HSPH1: variants seen among roughly 807,000 people sequenced by gnomAD.
The protein encoded by HSPH1 is heat shock protein family H (Hsp110) member 1, also known as heat shock protein 105 kDa.
A neutral mutation model predicts 100.0 loss-of-function variants in HSPH1; 40 were observed. The observed-to-expected ratio is 0.40, with a 90% CI of 0.31 to 0.52. The LOEUF is 0.52. Ranked by LOEUF, HSPH1 falls within the 20% of genes least tolerant of loss-of-function variation. HSPH1 has a pLI of 0.54. For synonymous variants in HSPH1, 403 were observed against 344.0 expected, an observed-to-expected ratio of 1.17 and a Z score of -1.90; for missense variants, 876 against 1,015.1, an observed-to-expected ratio of 0.86 and a Z score of 1.86.
In HSPH1 at chr13:31,150,087, A is replaced by AC; in HGVS notation, c.1003dup (p.Val335GlyfsTer5). The AC allele has an allele frequency of 6.2e-7, 1 of 1,613,742 alleles. No homozygotes were observed. The highest frequency in any genetic ancestry group is 8.5e-7 in the Non-Finnish European group (1 of 1,179,728). ...GCCTCCAACAATCTCAACTGCACTC[A>AC]CATCTTCTACTTTGAGATGAGTTTG... is the stretch of plus-strand genomic sequence containing the variant. On this transcript the variant is annotated frameshift_variant, in exon 8 of 18. Coordinates refer to ENST00000320027, the MANE Select transcript of HSPH1 (RefSeq NM_006644.4). LOFTEE classifies it high-confidence loss of function.
At chr13:31,155,230 A>G (rs1956640366) in intron 3 of HSPH1, among the ~76,000 whole-genome samples, 1 of 152,236 alleles carries the variant, frequency 6.6e-6, no homozygotes, top group African/African-American at 2.4e-5. Flanking sequence ...TGTTTGATAC[A>G]TGAACACAAT....
chr13:31,161,041 G>A (rs981136758), intron 1 of HSPH1, among the ~76,000 whole-genome samples: 6 of 152,234 alleles, frequency 3.9e-5, no homozygotes, highest in African/African-American at 1.2e-4. Flanking sequence ...ATGCGCGAAG[G>A]GAGGAGGACA....
chr13:31,142,903 C>G (rs1368898540), intron 12 of HSPH1, among the ~76,000 whole-genome samples: 1 of 151,994 alleles, frequency 6.6e-6, no homozygotes, highest in African/African-American at 2.4e-5. Context: ...CAGTAGAAAA[C>G]AGAGAGCAGC....
intron 4 of HSPH1, chr13:31,154,390 C>T (rs1312215477): frequency 3.7e-6 from 2 of 544,460 alleles, no homozygotes; most frequent in African/African-American, 3.8e-5. Flanking sequence ...TGGAACCAGT[C>T]AAAATCTGTA....
intron 10 of HSPH1, among the ~76,000 whole-genome samples, chr13:31,147,426 T>C (rs983634032): frequency 4.8e-5 from 7 of 144,732 alleles, no homozygotes; most frequent in African/African-American, 7.3e-5. Flanking sequence ...TCACCTATGG[T>C]CTGGGAAAGA....
Position 31,135,442 on chromosome 13 carries a change from T to C in HSPH1, c.*1876A>G, listed in dbSNP as rs1049656227. 6.6e-6 allele frequency: 1 copy of C among 152,204 alleles called. No individual in the cohort carries two copies. The highest frequency in any genetic ancestry group is 2.4e-5 in the African/African-American group (1 of 41,466). The allele number at this position is 152,204 out of a possible 1,614,324, so 9.4% of individuals were successfully genotyped here. A position where few individuals can be genotyped will look rare whatever the true frequency, so the allele number is the denominator to read the frequency against. ...AAACCAAAGAAACATATTAACTGCA[T>C]AAAAATTTAAAGTTGCTAAATGGTA... On this transcript the variant is annotated 3_prime_UTR_variant, in exon 18 of 18. Transcript: ENST00000320027.
At chr13:31,149,828 C>A in intron 8 of HSPH1, 126 bp downstream of exon 8, 2 of 709,168 alleles carry the variant, frequency 2.8e-6, no homozygotes, top group Non-Finnish European at 4.9e-6. Flanking sequence ...TACAGCTTTA[C>A]GGGTTTGTTT....
intron 10 of HSPH1, among the ~76,000 whole-genome samples, chr13:31,146,625 T>C (rs1956273251): frequency 6.6e-6 from 1 of 152,222 alleles, no homozygotes; most frequent in African/African-American, 2.4e-5. Flanking sequence ...GAAATTATTA[T>C]GTACAATACA....
chr13:31,142,590 C>A (rs1277971255), intron 12 of HSPH1, among the ~76,000 whole-genome samples: 1 of 152,100 alleles, frequency 6.6e-6, no homozygotes, highest in African/African-American at 2.4e-5. Flanking sequence ...GAAGACAAGA[C>A]AACCTGATAG....
chr13:31,141,059 T>C, intron 13 of HSPH1, 63 bp downstream of exon 13: 1 of 1,024,842 alleles, frequency 9.8e-7, no homozygotes, highest in Middle Eastern at 2.3e-4. Flanking sequence ...ACTAGAAATA[T>C]AGATATCAGG....
chr13:31,138,721 A>G, intron 16 of HSPH1, 60 bp downstream of exon 16: 1 of 1,561,902 alleles, frequency 6.4e-7, no homozygotes, highest in Non-Finnish European at 8.6e-7. Flanking sequence ...TCCCAGCTTA[A>G]GTGTTAGCTT....
Position 31,161,904 on chromosome 13 carries a change from C to G in HSPH1, c.-322G>C. 6.6e-7 allele frequency: 1 copy of G among 1,507,040 alleles called. No homozygotes were observed. Among genetic ancestry groups the G allele is most frequent in the South Asian group, 1.2e-5 (1 of 81,262 alleles). 93.4% of individuals were successfully genotyped at this position (1,507,040 alleles called of 1,614,324 possible). A position where few individuals can be genotyped will look rare whatever the true frequency, so the allele number is the denominator to read the frequency against. ...CGGCGCCGGCGCTGAACTACCGACCCAAAAGGGGAGGTCCCACTTCCTCAG... is the reference window on the plus strand; with the variant it reads ...CGGCGCCGGCGCTGAACTACCGACCGAAAAGGGGAGGTCCCACTTCCTCAG... On this transcript the variant is annotated 5_prime_UTR_variant, in exon 1 of 18. Transcript: ENST00000320027.
At chr13:31,144,592 T>C (rs1400287581) in intron 11 of HSPH1, among the ~76,000 whole-genome samples, 1 of 152,144 alleles carries the variant, frequency 6.6e-6, no homozygotes, top group East Asian at 1.9e-4. Context: ...CAATCCCTAA[T>C]ATATTAGTGC....
In HSPH1 at chr13:31,135,071, G is replaced by T. The variant is rs969193568; in HGVS notation, c.*2247C>A. 2.6e-5 allele frequency: 4 copies of T among 152,112 alleles called. No individual in the cohort carries two copies. The highest frequency in any genetic ancestry group is 9.7e-5 in the African/African-American group (4 of 41,414). The allele number at this position is 152,112 out of a possible 1,614,324, so 9.4% of individuals were successfully genotyped here. Reference sequence around the variant, plus strand: ...CTTTAAACAGCATTTATTCAAACTGGTGCATATCTTTGAGATCCTCGATGA... The same window carrying T: ...CTTTAAACAGCATTTATTCAAACTGTTGCATATCTTTGAGATCCTCGATGA... On this transcript the variant is annotated 3_prime_UTR_variant, in exon 18 of 18. Coordinates refer to ENST00000320027, the MANE Select transcript of HSPH1 (RefSeq NM_006644.4).
At chr13:31,146,332 T>G (rs1956265317) in intron 10 of HSPH1, among the ~76,000 whole-genome samples, 1 of 152,138 alleles carries the variant, frequency 6.6e-6, no homozygotes, top group Admixed American at 6.5e-5. Flanking sequence ...CCATAAAAAC[T>G]TTCAAAGGTA....
chr13:31,144,784 T>C (rs765104347), intron 11 of HSPH1, among the ~76,000 whole-genome samples: 1 of 152,156 alleles, frequency 6.6e-6, no homozygotes, highest in Non-Finnish European at 1.5e-5. Flanking sequence ...AGAAAGTATA[T>C]GGCACTCATC....
chr13:31,150,187 G>A lies in HSPH1; in HGVS notation c.909-5C>T. On this transcript the variant is annotated splice_region_variant and splice_polypyrimidine_tract_variant and intron_variant, in intron 7 of 17. Coordinates refer to ENST00000320027, the MANE Select transcript of HSPH1 (RefSeq NM_006644.4). The stretch of plus-strand genomic sequence containing the variant: ...CAGAGTTCTTCAAATTGTGACCTTA[G>A]CAAATAAAAACTTGTTTTTAGAAAA... 1 of 1,554,856 alleles carries A rather than the reference G, an allele frequency of 6.4e-7. No individual in the cohort carries two copies. Among genetic ancestry groups the A allele is most frequent in the Non-Finnish European group, 8.7e-7 (1 of 1,148,670 alleles).
At chr13:31,159,296 C>T (rs2137661866) in intron 1 of HSPH1, among the ~76,000 whole-genome samples, 1 of 152,290 alleles carries the variant, frequency 6.6e-6, no homozygotes, top group African/African-American at 2.4e-5. Flanking sequence ...CCACCGGCTT[C>T]TTTAGGAATC....
chr13:31,139,156 T>C (rs1454271601), intron 14 of HSPH1, 49 bp from the exon 15 acceptor site: 1 of 1,183,978 alleles, frequency 8.4e-7, no homozygotes, highest in Non-Finnish European at 1.3e-6. Context: ...TTCAGAATTT[T>C]TCACAACAAA....
Sources: gnomAD v4.1 joint callset for allele counts (sites outside exome capture counted in the v4.1 genomes callset) on GRCh38, gnomAD v4.1.1 for gene constraint, MANE v1.5 for transcripts, NCBI Gene and HGNC (gene_info 2026-07-23, HGNC 2026-07-21) for gene names.